Variants in SLC24A2 observed in about 807,000 individuals in gnomAD.
The protein encoded by SLC24A2 is sodium/potassium/calcium exchanger 2.
A neutral mutation model predicts 62.0 loss-of-function variants in SLC24A2; 36 were observed. The ratio of observed to expected loss-of-function variants is 0.58; its 90% CI spans 0.44 to 0.77. The LOEUF (loss-of-function observed/expected upper bound fraction) is 0.77, where lower values mean the gene tolerates loss of function less well. SLC24A2 is among the 30% of genes least tolerant of loss of function. The pLI, the probability that SLC24A2 is intolerant of heterozygous loss-of-function variation, is 0.00. For missense variants in SLC24A2, 846 were observed against 817.9 expected, an observed-to-expected ratio of 1.03 and a Z score of -0.42; for synonymous variants, 358 against 294.0, an observed-to-expected ratio of 1.22 and a Z score of -2.23.
the SLC24A2 span, among the ~76,000 whole-genome samples, chr9:20,307,769 G>A: frequency 2.0e-5 from 3 of 152,112 alleles, no homozygotes; most frequent in East Asian, 1.9e-4. Context: ...CCAAGTTTCC[G>A]GGACTCGGTC....
chr9:19,958,887 C>T, the SLC24A2 span, among the ~76,000 whole-genome samples: 11 of 152,146 alleles, frequency 7.2e-5, no homozygotes, highest in Non-Finnish European at 1.5e-4. Context: ...TTAAATCCAA[C>T]CATCATTTTT....
intron 2 of SLC24A2, among the ~76,000 whole-genome samples, chr9:19,635,033 A>T (rs1023724335): frequency 3.3e-5 from 5 of 152,192 alleles, no homozygotes; most frequent in Admixed American, 2.0e-4. Context: ...TTCCTAGGAC[A>T]TATCTTATCT....
chr9:19,860,251 C>A, the SLC24A2 span, among the ~76,000 whole-genome samples: 27 of 152,128 alleles, frequency 1.8e-4, no homozygotes, highest in African/African-American at 6.3e-4. Flanking sequence ...TCTTGGATAC[C>A]AGTTCAGCCA....
the SLC24A2 span, among the ~76,000 whole-genome samples, chr9:19,990,760 T>C: frequency 6.6e-6 from 1 of 150,406 alleles, no homozygotes; most frequent in Admixed American, 6.6e-5. Flanking sequence ...TCTCCATCCA[T>C]CCTGCCCAGG....
chr9:19,640,787 A>T (rs545659272), intron 2 of SLC24A2, among the ~76,000 whole-genome samples: 24 of 152,262 alleles, frequency 1.6e-4, no homozygotes, highest in African/African-American at 5.5e-4. Context: ...CATGAGCTGT[A>T]GTTTGCTAAT....
chr9:19,954,350 C>T, the SLC24A2 span, among the ~76,000 whole-genome samples: 42,650 of 151,826 alleles, frequency 0.28, 6,202 homozygotes, highest in South Asian at 0.4. Context: ...GCAACTCAAA[C>T]ACTAATGCTG....
the SLC24A2 span, among the ~76,000 whole-genome samples, chr9:20,190,290 T>A: frequency 6.6e-6 from 1 of 152,178 alleles, no homozygotes; most frequent in Non-Finnish European, 1.5e-5. Flanking sequence ...GCCTAGGTTT[T>A]CCTCTGGCTT....
At chr9:19,872,993 T>C in the SLC24A2 span, among the ~76,000 whole-genome samples, 2 of 152,154 alleles carry the variant, frequency 1.3e-5, no homozygotes, top group African/African-American at 4.8e-5. Flanking sequence ...TGGTTAATGG[T>C]TAGGTAAGAA....
chr9:19,858,292 G>A, the SLC24A2 span, among the ~76,000 whole-genome samples: 1 of 152,130 alleles, frequency 6.6e-6, no homozygotes, highest in African/African-American at 2.4e-5. Flanking sequence ...TGGAATAATT[G>A]GCTAGCCATA....
At chr9:19,836,555 A>C in the SLC24A2 span, among the ~76,000 whole-genome samples, 2 of 152,240 alleles carry the variant, frequency 1.3e-5, no homozygotes, top group Non-Finnish European at 2.9e-5. Flanking sequence ...GAATAGACCA[A>C]TAACAGGCTC....
At chr9:20,082,486 T>C in the SLC24A2 span, among the ~76,000 whole-genome samples, 1 of 152,248 alleles carries the variant, frequency 6.6e-6, no homozygotes, top group East Asian at 1.9e-4. Context: ...AAATCCACTA[T>C]TCTCATCGCA....
chr9:19,559,215 A>ATTATAACATTTCCAGCAATATGATTC, intron 7 of SLC24A2, among the ~76,000 whole-genome samples: 1 of 152,252 alleles, frequency 6.6e-6, no homozygotes, highest in Non-Finnish European at 1.5e-5. Context: ...GACTAGGTGA[A>ATTATAACATTTCCAGCAATATGATTC]TTATAACATT....
the SLC24A2 span, among the ~76,000 whole-genome samples, chr9:19,868,482 A>G: frequency 2.0e-5 from 3 of 152,210 alleles, no homozygotes; most frequent in South Asian, 4.1e-4. Context: ...ATATTCTATA[A>G]ATGTTAGTTA....
At position 19,508,382 on chromosome 9, in the gene SLC24A2, A is replaced by C. The variant is rs1832587589; in HGVS notation, c.*7771T>G. The C allele has an allele frequency of 6.6e-6, 1 of 152,138 alleles. No individual in the cohort carries two copies. Among genetic ancestry groups the C allele is most frequent in the African/African-American group, 2.4e-5 (1 of 41,426 alleles). 9.4% of individuals were successfully genotyped at this position (152,138 alleles called of 1,614,324 possible). The stretch of plus-strand genomic sequence containing the variant: ...AGGGCAATTTGGCCACTTAAGCATA[A>C]AATTGATGGGGTTGTCCAGTTTAGT... On this transcript the variant is annotated 3_prime_UTR_variant, in exon 11 of 11. Transcript: ENST00000341998.
intron 2 of SLC24A2, among the ~76,000 whole-genome samples, chr9:19,719,311 T>C (rs1000601080): frequency 2.0e-5 from 3 of 152,214 alleles, no homozygotes; most frequent in African/African-American, 7.2e-5. Context: ...GGCTAAGATG[T>C]TAAAACCTTG....
chr9:19,802,424 G>A, the SLC24A2 span, among the ~76,000 whole-genome samples: 1 of 152,120 alleles, frequency 6.6e-6, no homozygotes, highest in African/African-American at 2.4e-5. Flanking sequence ...CAGGATGAAG[G>A]AACAACGAAG....
the SLC24A2 span, among the ~76,000 whole-genome samples, chr9:20,019,768 A>C: frequency 1.3e-5 from 2 of 152,122 alleles, no homozygotes; most frequent in Admixed American, 6.5e-5. Flanking sequence ...AGAAACTATC[A>C]TCAGAGTGAA....
chr9:20,259,806 T>G, the SLC24A2 span, among the ~76,000 whole-genome samples: 1 of 152,180 alleles, frequency 6.6e-6, no homozygotes, highest in Non-Finnish European at 1.5e-5. Flanking sequence ...AGGTAAGACC[T>G]AGCAGGGCAC....
the SLC24A2 span, among the ~76,000 whole-genome samples, chr9:20,029,614 C>A: frequency 0.16 from 24,642 of 152,166 alleles, 2,251 homozygotes; most frequent in East Asian, 0.23. Flanking sequence ...CACACCTATA[C>A]TTGTGAAATG....
Sources: allele counts gnomAD v4.1 joint callset (sites outside exome capture counted in the v4.1 genomes callset), GRCh38; gene constraint gnomAD v4.1.1; transcripts MANE v1.5; gene names NCBI Gene and HGNC (gene_info 2026-07-23, HGNC 2026-07-21).